Variants in OLA1 observed in about 807,000 individuals in gnomAD.
OLA1 encodes the protein obg-like ATPase 1.
OLA1 carries 14 observed loss-of-function variants against 48.4 expected under a neutral mutation model. The observed-to-expected ratio is 0.29, with a 90% CI of 0.19 to 0.45. The LOEUF is 0.45. Among genes scored for constraint, OLA1 ranks in the 20% least tolerant of loss-of-function variants. The pLI, the probability that OLA1 is intolerant of heterozygous loss-of-function variation, is 1.00. For missense variants in OLA1, 325 were observed against 467.1 expected, an observed-to-expected ratio of 0.70 and a Z score of 2.80; for synonymous variants, 127 against 150.4, an observed-to-expected ratio of 0.84 and a Z score of 1.14.
intron 2 of OLA1, among the ~76,000 whole-genome samples, chr2:174,234,067 T>A (rs889425600): frequency 1.3e-5 from 2 of 152,114 alleles, no homozygotes; most frequent in African/African-American, 4.8e-5. Flanking sequence ...CTCCTTCCAC[T>A]TCCTCTCTAT....
At chr2:174,153,942 T>C (rs533453843) in intron 4 of OLA1, among the ~76,000 whole-genome samples, 7 of 152,282 alleles carry the variant, frequency 4.6e-5, no homozygotes, top group Admixed American at 2.0e-4. Context: ...TCACGACTCA[T>C]TGCAGCCTTG....
At chr2:174,147,632 C>T (rs1380183988) in intron 4 of OLA1, among the ~76,000 whole-genome samples, 2 of 152,072 alleles carry the variant, frequency 1.3e-5, no homozygotes, top group East Asian at 1.9e-4. Context: ...ATAGCACATA[C>T]ACTACATGAT....
intron 5 of OLA1, among the ~76,000 whole-genome samples, chr2:174,126,686 A>T (rs892527724): frequency 1.3e-5 from 2 of 152,188 alleles, no homozygotes; most frequent in Non-Finnish European, 2.9e-5. Context: ...GTGAAGATTA[A>T]AAGAGATAGT....
chr2:174,082,098 A>G, intron 7 of OLA1, 34 bp from the exon 8 acceptor site: 1 of 1,608,084 alleles, frequency 6.2e-7, no homozygotes, highest in Non-Finnish European at 8.5e-7. Flanking sequence ...ATTATCTTGT[A>G]GTGCATGCAT....
intron 7 of OLA1, among the ~76,000 whole-genome samples, chr2:174,082,640 G>T: frequency 6.6e-6 from 1 of 152,054 alleles, no homozygotes; most frequent in African/African-American, 2.4e-5. Flanking sequence ...TTACAAATAT[G>T]GTTGATCACG....
chr2:174,204,173 G>A (rs964622511), intron 4 of OLA1, among the ~76,000 whole-genome samples: 2 of 151,778 alleles, frequency 1.3e-5, no homozygotes, highest in African/African-American at 2.4e-5. Context: ...AGGCCGAGGC[G>A]GGCGGATCAC....
rs190568573 is a variant in OLA1 at position 174,209,011 on chromosome 2, T to C, written c.373+14022A>G. ...TGGACTGTTAAAACAATGCATTCTC[T>C]GGGCATGGTGGCGCATGACTGTAGT... On this transcript the variant is annotated intron_variant, in intron 4 of 10. Transcript: ENST00000284719. Among the ~76,000 whole-genome samples the C allele has an allele frequency of 1.2e-3, 182 of 152,322 alleles. 1 individual carries two copies. Among genetic ancestry groups the C allele is most frequent in the Non-Finnish European group, 2.1e-3 (142 of 68,018 alleles).
intron 4 of OLA1, among the ~76,000 whole-genome samples, chr2:174,177,081 G>A (rs560969102): frequency 6.6e-6 from 1 of 152,190 alleles, no homozygotes; most frequent in East Asian, 1.9e-4. Context: ...ACAATGATGT[G>A]TTCAGCTTCT....
intron 7 of OLA1, among the ~76,000 whole-genome samples, chr2:174,084,626 A>G (rs1364928818): frequency 6.6e-6 from 1 of 152,242 alleles, no homozygotes; most frequent in South Asian, 2.1e-4. Flanking sequence ...GGCCAAGATC[A>G]CAAATCTGAA....
intron 4 of OLA1, among the ~76,000 whole-genome samples, chr2:174,173,565 T>A (rs1276238556): frequency 6.6e-6 from 1 of 152,144 alleles, no homozygotes; most frequent in Non-Finnish European, 1.5e-5. Flanking sequence ...TGATTTTTTT[T>A]ATAAGTCAAA....
intron 5 of OLA1, among the ~76,000 whole-genome samples, chr2:174,139,165 T>C (rs951792033): frequency 2.0e-5 from 3 of 152,234 alleles, no homozygotes; most frequent in Non-Finnish European, 4.4e-5. Context: ...GATGAAGCCA[T>C]ACTTAGAGGA....
chr2:174,128,755 A>C (rs1463174571), intron 5 of OLA1, among the ~76,000 whole-genome samples: 1 of 151,708 alleles, frequency 6.6e-6, no homozygotes, highest in Non-Finnish European at 1.5e-5. Context: ...AAAAAATAAA[A>C]TAAAATAAAC....
chr2:174,191,421 T>C (rs1425045314), intron 4 of OLA1, among the ~76,000 whole-genome samples: 1 of 152,088 alleles, frequency 6.6e-6, no homozygotes, highest in East Asian at 1.9e-4. Flanking sequence ...AAGTCAATTT[T>C]TTCCCCTAAA....
chr2:174,116,547 T>C (rs1248274953), intron 7 of OLA1, among the ~76,000 whole-genome samples: 2 of 152,128 alleles, frequency 1.3e-5, no homozygotes, highest in Admixed American at 1.3e-4. Flanking sequence ...TTCAAGGCCC[T>C]GAGATATGGA....
At chr2:174,232,030 T>G (rs1688739487) in intron 2 of OLA1, among the ~76,000 whole-genome samples, 1 of 152,156 alleles carries the variant, frequency 6.6e-6, no homozygotes, top group African/African-American at 2.4e-5. Flanking sequence ...AGGAGAAAGA[T>G]TCAAAGTTGT....
At chr2:174,175,067 A>G (rs377347886) in intron 4 of OLA1, among the ~76,000 whole-genome samples, 14 of 152,168 alleles carry the variant, frequency 9.2e-5, no homozygotes, top group African/African-American at 3.1e-4. Context: ...TCTGTATGGA[A>G]GAAAATTAAC....
At chr2:174,095,777 A>G (rs894855088) in intron 7 of OLA1, among the ~76,000 whole-genome samples, 1 of 152,214 alleles carries the variant, frequency 6.6e-6, no homozygotes, top group Non-Finnish European at 1.5e-5. Flanking sequence ...GAAGTCATAC[A>G]TATGACAGAG....
chr2:174,089,159 T>C (rs750933079), intron 7 of OLA1, among the ~76,000 whole-genome samples: 1 of 152,052 alleles, frequency 6.6e-6, no homozygotes, highest in African/African-American at 2.4e-5. Context: ...CAGTGAGCTA[T>C]GATCCTGCCT....
chr2:174,168,753 ATATCTATCTATCTATCTATC>A (rs71021675), intron 4 of OLA1, among the ~76,000 whole-genome samples: 53 of 146,088 alleles, frequency 3.6e-4, no homozygotes, highest in East Asian at 1.0e-3. Flanking sequence ...CACAATATGT[ATATCTATCTATCTATCTATC>A]TATCTATCTA....
Sources: gnomAD v4.1 joint callset for allele counts (sites outside exome capture counted in the v4.1 genomes callset) on GRCh38, gnomAD v4.1.1 for gene constraint, MANE v1.5 for transcripts, NCBI Gene and HGNC (gene_info 2026-07-23, HGNC 2026-07-21) for gene names.